The following EXOC2 variants were observed in gnomAD, a reference collection of about 807,000 sequenced individuals.
EXOC2 encodes the protein exocyst complex component 2, also known as SEC5-like 1.
A neutral mutation model predicts 131.8 loss-of-function variants in EXOC2; 70 were observed. The ratio of observed to expected loss-of-function variants is 0.53; its 90% CI spans 0.44 to 0.65. EXOC2 has a LOEUF of 0.65. Ranked by LOEUF, EXOC2 falls within the 30% of genes least tolerant of loss-of-function variation. The pLI is 0.00. For missense variants in EXOC2, 923 were observed against 1,108.6 expected, an observed-to-expected ratio of 0.83 and a Z score of 2.38; for synonymous variants, 411 against 398.4, an observed-to-expected ratio of 1.03 and a Z score of -0.38.
intron 23 of EXOC2, among the ~76,000 whole-genome samples, chr6:513,907 T>TA (rs1301572992): frequency 1.1e-4 from 16 of 152,232 alleles, no homozygotes; most frequent in Non-Finnish European, 1.9e-4. Context: ...TCCACACACT[T>TA]AAAAATCTAG....
chr6:688,598 A>G (rs1562018386), intron 1 of EXOC2, among the ~76,000 whole-genome samples: 1 of 152,188 alleles, frequency 6.6e-6, no homozygotes, highest in Non-Finnish European at 1.5e-5. Context: ...CAGTTCCAAC[A>G]CTGAGGCAGT....
At chr6:646,156 A>G (rs1171409802) in intron 1 of EXOC2, among the ~76,000 whole-genome samples, 2 of 152,188 alleles carry the variant, frequency 1.3e-5, no homozygotes, top group African/African-American at 4.8e-5. Context: ...TGTCTGTTTC[A>G]ACTTTGGATT....
intron 21 of EXOC2, among the ~76,000 whole-genome samples, chr6:549,966 C>T (rs532250999): frequency 8.5e-5 from 13 of 152,204 alleles, no homozygotes; most frequent in Non-Finnish European, 1.6e-4. Flanking sequence ...TTCTGTCCAC[C>T]TAAAGTAATT....
chr6:562,851 T>A lies in EXOC2; in HGVS notation c.1790-6A>T. 6.3e-7 allele frequency: 1 copy of A among 1,577,232 alleles called. No individual in the cohort carries two copies. The highest frequency in any genetic ancestry group is 2.3e-5 in the East Asian group (1 of 44,176). On this transcript the variant is annotated splice_region_variant and splice_polypyrimidine_tract_variant and intron_variant, in intron 16 of 27. Coordinates refer to ENST00000230449, the MANE Select transcript of EXOC2 (RefSeq NM_018303.6). Reference sequence around the variant, plus strand: ...TTCAGCTAATCTCTTTATTTCTATATGAGAAGAAGCACACAAATACTTTAT... The same window carrying A: ...TTCAGCTAATCTCTTTATTTCTATAAGAGAAGAAGCACACAAATACTTTAT...
chr6:487,745 T>C (rs1763161396), intron 27 of EXOC2, among the ~76,000 whole-genome samples: 1 of 152,172 alleles, frequency 6.6e-6, no homozygotes. Context: ...ATCTTAGAGT[T>C]TTCCTGGTTT....
intron 1 of EXOC2, among the ~76,000 whole-genome samples, chr6:660,609 T>C (rs1763383366): frequency 6.6e-6 from 1 of 152,156 alleles, no homozygotes; most frequent in Admixed American, 6.5e-5. Context: ...GGGAGAGCAC[T>C]ACATCAAGGG....
rs1275044462 is a variant in EXOC2 at position 486,118 on chromosome 6, T to G, written c.*553A>C. On this transcript the variant is annotated 3_prime_UTR_variant, in exon 28 of 28. Coordinates refer to ENST00000230449, the MANE Select transcript of EXOC2 (RefSeq NM_018303.6). ...CAAATAATCTACCCCAGTTGTAATA[T>G]GTATTTTAATGGAGACCATAAATTT... is the stretch of plus-strand genomic sequence containing the variant. 2 of 152,234 alleles carry G rather than the reference T, an allele frequency of 1.3e-5. No individual in the cohort carries two copies. The highest frequency in any genetic ancestry group is 2.9e-5 in the Non-Finnish European group (2 of 68,038). 9.4% of individuals were successfully genotyped at this position (152,234 alleles called of 1,614,324 possible). A position where few individuals can be genotyped will look rare whatever the true frequency, so the allele number is the denominator to read the frequency against.
At chr6:599,317 C>T in intron 7 of EXOC2, 92 bp from the exon 8 acceptor site, 2 of 1,172,796 alleles carry the variant, frequency 1.7e-6, no homozygotes, top group South Asian at 2.1e-5. Flanking sequence ...GTTAATACTG[C>T]TATTGTAGTT....
In EXOC2 at chr6:562,851, T is replaced by C. The variant is rs754071446; in HGVS notation, c.1790-6A>G. The C allele has an allele frequency of 1.3e-6, 2 of 1,577,232 alleles. No individual in the cohort carries two copies. Among genetic ancestry groups the C allele is most frequent in the Admixed American group, 3.6e-5 (2 of 55,122 alleles). ...TTCAGCTAATCTCTTTATTTCTATA[T>C]GAGAAGAAGCACACAAATACTTTAT... On this transcript the variant is annotated splice_region_variant and splice_polypyrimidine_tract_variant and intron_variant, in intron 16 of 27. Coordinates refer to ENST00000230449, the MANE Select transcript of EXOC2 (RefSeq NM_018303.6).
chr6:583,769 T>C (rs1225137227), intron 11 of EXOC2, among the ~76,000 whole-genome samples: 1 of 152,218 alleles, frequency 6.6e-6, no homozygotes, highest in Non-Finnish European at 1.5e-5. Flanking sequence ...AACTCTGTCA[T>C]CACAGCATGC....
At chr6:502,003 C>T (rs2127488915) in intron 23 of EXOC2, among the ~76,000 whole-genome samples, 1 of 152,280 alleles carries the variant, frequency 6.6e-6, no homozygotes, top group African/African-American at 2.4e-5. Context: ...TGTCCCCAGA[C>T]TGCTCCCGCT....
intron 11 of EXOC2, among the ~76,000 whole-genome samples, chr6:584,961 T>C (rs1356239236): frequency 2.0e-5 from 3 of 152,210 alleles, no homozygotes; most frequent in African/African-American, 7.2e-5. Context: ...TTTGTGAATG[T>C]CAGTAGGGGG....
intron 21 of EXOC2, among the ~76,000 whole-genome samples, chr6:549,923 G>C (rs1004117159): frequency 6.6e-6 from 1 of 152,164 alleles, no homozygotes; most frequent in Non-Finnish European, 1.5e-5. Context: ...AAGAGGAAGG[G>C]GTACAAGCCA....
intron 11 of EXOC2, among the ~76,000 whole-genome samples, chr6:589,819 G>A (rs1217748075): frequency 7.2e-5 from 11 of 152,182 alleles, no homozygotes; most frequent in Non-Finnish European, 1.6e-4. Flanking sequence ...TTGTTAAAAA[G>A]CCCCAGTGGA....
At chr6:630,732 T>C (rs556316353) in intron 3 of EXOC2, among the ~76,000 whole-genome samples, 1 of 152,370 alleles carries the variant, frequency 6.6e-6, no homozygotes, top group Admixed American at 6.5e-5. Flanking sequence ...TTTGCTGTTA[T>C]CAGTGCTGGA....
intron 11 of EXOC2, among the ~76,000 whole-genome samples, chr6:589,657 T>C (rs1287499010): frequency 6.6e-6 from 1 of 152,244 alleles, no homozygotes; most frequent in African/African-American, 2.4e-5. Flanking sequence ...CGCACTGCAC[T>C]TCCGGCTCCT....
intron 23 of EXOC2, among the ~76,000 whole-genome samples, chr6:514,781 A>G (rs1765049635): frequency 1.3e-5 from 2 of 152,186 alleles, no homozygotes; most frequent in South Asian, 4.1e-4. Flanking sequence ...AGCCCAAAGG[A>G]CAGAGAACCA....
At chr6:685,784 A>G (rs1222855914) in intron 1 of EXOC2, among the ~76,000 whole-genome samples, 1 of 151,980 alleles carries the variant, frequency 6.6e-6, no homozygotes, top group Admixed American at 6.6e-5. Context: ...ATAAGGGCAG[A>G]AGACTCGCTG....
intron 6 of EXOC2, among the ~76,000 whole-genome samples, chr6:613,952 C>T (rs1038284156): frequency 1.1e-4 from 16 of 151,900 alleles, no homozygotes; most frequent in African/African-American, 2.4e-4. Context: ...ACACAAGACA[C>T]ATGCCAAAAG....
Sources: allele counts gnomAD v4.1 joint callset (sites outside exome capture counted in the v4.1 genomes callset), GRCh38; gene constraint gnomAD v4.1.1; transcripts MANE v1.5; gene names NCBI Gene and HGNC (gene_info 2026-07-23, HGNC 2026-07-21).